Variants in QTMAN observed in about 807,000 individuals in gnomAD.
QTMAN encodes the protein tRNA-queuosine alpha-mannosyltransferase.
At chr2:144,085,881 T>A in the QTMAN span, among the ~76,000 whole-genome samples, 1 of 152,190 alleles carries the variant, frequency 6.6e-6, no homozygotes, top group Non-Finnish European at 1.5e-5. Context: ...ATGTATTAGA[T>A]AAAAGGACCT....
chr2:144,273,327 C>T, the QTMAN span, among the ~76,000 whole-genome samples: 1 of 152,040 alleles, frequency 6.6e-6, no homozygotes, highest in East Asian at 1.9e-4. Flanking sequence ...AGATGTTATT[C>T]CAACATGATC....
the QTMAN span, among the ~76,000 whole-genome samples, chr2:144,191,564 A>C: frequency 1.6e-4 from 24 of 152,328 alleles, no homozygotes; most frequent in African/African-American, 5.5e-4. Flanking sequence ...ATACATTATA[A>C]ATTTTGATTG....
the QTMAN span, among the ~76,000 whole-genome samples, chr2:144,159,255 A>C: frequency 6.6e-6 from 1 of 152,078 alleles, no homozygotes; most frequent in Non-Finnish European, 1.5e-5. Flanking sequence ...CATGGATATA[A>C]ATAAAAATGC....
the QTMAN span, among the ~76,000 whole-genome samples, chr2:144,189,257 G>A: frequency 2.0e-5 from 3 of 152,294 alleles, no homozygotes; most frequent in Non-Finnish European, 4.4e-5. Context: ...AAGTAACTGG[G>A]ATTACAAGTG....
the QTMAN span, among the ~76,000 whole-genome samples, chr2:143,996,682 A>C: frequency 6.6e-6 from 1 of 152,132 alleles, no homozygotes; most frequent in Non-Finnish European, 1.5e-5. Context: ...TTTGAGGGTA[A>C]GTGGCAATAT....
chr2:144,000,587 G>C, the QTMAN span, among the ~76,000 whole-genome samples: 2 of 151,964 alleles, frequency 1.3e-5, no homozygotes, highest in Non-Finnish European at 2.9e-5. Context: ...CTGAGAACTA[G>C]CTACTTACAA....
the QTMAN span, among the ~76,000 whole-genome samples, chr2:144,182,873 TTA>T: frequency 1.0e-3 from 72 of 68,898 alleles, no homozygotes; most frequent in Non-Finnish European, 1.5e-3. Context: ...TATATATATA[TTA>T]TATATATATT....
chr2:144,304,682 T>C, the QTMAN span, among the ~76,000 whole-genome samples: 2 of 152,210 alleles, frequency 1.3e-5, no homozygotes. Context: ...TGGCCTCAAG[T>C]AGGCCTCCCA....
chr2:144,106,071 C>T, the QTMAN span, among the ~76,000 whole-genome samples: 1 of 152,096 alleles, frequency 6.6e-6, no homozygotes, highest in Non-Finnish European at 1.5e-5. Context: ...ATTTTGTCAC[C>T]ACCAGGCCTG....
At chr2:144,182,875 A>T in the QTMAN span, among the ~76,000 whole-genome samples, 15 of 75,280 alleles carry the variant, frequency 2.0e-4, no homozygotes, top group East Asian at 6.3e-4. Context: ...TATATATATT[A>T]TATATATATT....
At chr2:144,223,610 C>T in the QTMAN span, among the ~76,000 whole-genome samples, 2 of 152,092 alleles carry the variant, frequency 1.3e-5, no homozygotes, top group African/African-American at 2.4e-5. Flanking sequence ...AGCCATATAA[C>T]AATATTGATT....
chr2:144,227,437 C>G, the QTMAN span, among the ~76,000 whole-genome samples: 125 of 152,048 alleles, frequency 8.2e-4, no homozygotes, highest in African/African-American at 2.9e-3. Context: ...ACAAACAATT[C>G]CACAAAATTT....
the QTMAN span, among the ~76,000 whole-genome samples, chr2:144,132,259 C>T: frequency 2.0e-5 from 3 of 151,830 alleles, no homozygotes; most frequent in Admixed American, 6.6e-5. Context: ...TTCATTACAC[C>T]TAATTTTTTG....
the QTMAN span, among the ~76,000 whole-genome samples, chr2:144,062,118 C>T: frequency 6.6e-6 from 1 of 152,208 alleles, no homozygotes; most frequent in Non-Finnish European, 1.5e-5. Flanking sequence ...GTCACACTGA[C>T]TCTTCACTAG....
chr2:144,192,716 T>C, the QTMAN span, among the ~76,000 whole-genome samples: 3 of 152,234 alleles, frequency 2.0e-5, no homozygotes, highest in South Asian at 2.1e-4. Flanking sequence ...GTTTCAAAGA[T>C]ATGTTCAAGC....
the QTMAN span, among the ~76,000 whole-genome samples, chr2:144,213,410 CA>C: frequency 6.6e-5 from 10 of 152,126 alleles, no homozygotes; most frequent in African/African-American, 2.4e-4. Context: ...TTAAGTATAT[CA>C]TGTCAATTAA....
At chr2:144,083,035 C>T in the QTMAN span, among the ~76,000 whole-genome samples, 1 of 152,016 alleles carries the variant, frequency 6.6e-6, no homozygotes, top group Admixed American at 6.6e-5. Context: ...CTCTAGAGGC[C>T]GGCAGTTGCC....
At chr2:144,269,157 C>T in the QTMAN span, among the ~76,000 whole-genome samples, 97 of 152,150 alleles carry the variant, frequency 6.4e-4, no homozygotes, top group African/African-American at 2.2e-3. Flanking sequence ...TTTGAGATTC[C>T]ATTCATAATA....
chr2:144,014,565 A>G, the QTMAN span, among the ~76,000 whole-genome samples: 4 of 152,166 alleles, frequency 2.6e-5, no homozygotes, highest in African/African-American at 7.2e-5. Context: ...TGAGTAATAC[A>G]TGCTGAAATG....
Sources: allele counts gnomAD v4.1 joint callset (sites outside exome capture counted in the v4.1 genomes callset), GRCh38; gene constraint gnomAD v4.1.1; transcripts MANE v1.5; gene names NCBI Gene and HGNC (gene_info 2026-07-23, HGNC 2026-07-21).